ANK3: variants seen among roughly 807,000 people sequenced by gnomAD.
ANK3 encodes the protein ankyrin-3.
A neutral mutation model predicts 370.9 loss-of-function variants in ANK3; 57 were observed. The ratio of observed to expected loss-of-function variants is 0.15; its 90% CI spans 0.12 to 0.19. The LOEUF is 0.19. Ranked by LOEUF, ANK3 falls within the 10% of genes least tolerant of loss-of-function variation. ANK3 has a pLI of 1.00. For synonymous variants in ANK3, 1,929 were observed against 1,946.3 expected (o/e 0.99, Z 0.23); for missense variants, 4,439 against 5,302.1 (o/e 0.84, Z 5.06).
At chr10:60,415,282 AG>A (rs2063638996) in intron 2 of ANK3, among the ~76,000 whole-genome samples, 1 of 152,158 alleles carries the variant, frequency 6.6e-6, no homozygotes, top group Non-Finnish European at 1.5e-5. Flanking sequence ...CCAGAGGCCG[AG>A]GGAGGAAAAT....
chr10:60,397,691 C>T (rs770656788), intron 2 of ANK3, among the ~76,000 whole-genome samples: 7 of 152,276 alleles, frequency 4.6e-5, no homozygotes, highest in Non-Finnish European at 8.8e-5. Flanking sequence ...TGGAATCAGA[C>T]TAATTGAGTT....
intron 2 of ANK3, among the ~76,000 whole-genome samples, chr10:60,558,847 C>T (rs1270196861): frequency 6.6e-6 from 1 of 152,026 alleles, no homozygotes; most frequent in Admixed American, 6.6e-5. Flanking sequence ...GCTCAAAAGA[C>T]AAATTTCTAA....
At chr10:60,105,858 A>G (rs1195043669) in intron 28 of ANK3, 47 bp downstream of exon 28, 1 of 1,535,066 alleles carries the variant, frequency 6.5e-7, no homozygotes, top group Non-Finnish European at 8.7e-7. Flanking sequence ...CATTCCTTTA[A>G]TTTCTGCCTG....
intron 1 of ANK3, among the ~76,000 whole-genome samples, chr10:60,695,335 A>T (rs2079429927): frequency 6.6e-6 from 1 of 152,160 alleles, no homozygotes; most frequent in South Asian, 2.1e-4. Flanking sequence ...AACATTAGAC[A>T]GATCAACGAG....
chr10:60,599,873 T>C (rs553574542), intron 2 of ANK3, among the ~76,000 whole-genome samples: 1 of 152,312 alleles, frequency 6.6e-6, no homozygotes, highest in Non-Finnish European at 1.5e-5. Flanking sequence ...CTTTCTCTAC[T>C]TCTCTGTCCT....
At chr10:60,085,906 C>T (rs989573356) in intron 30 of ANK3, among the ~76,000 whole-genome samples, 3 of 152,168 alleles carry the variant, frequency 2.0e-5, no homozygotes, top group East Asian at 3.9e-4. Context: ...TGAGCCACCG[C>T]GCCCAGCCTC....
At chr10:60,400,974 T>C (rs992733295) in intron 2 of ANK3, among the ~76,000 whole-genome samples, 4 of 152,194 alleles carry the variant, frequency 2.6e-5, no homozygotes, top group African/African-American at 9.7e-5. Context: ...AAAATAATTT[T>C]GAAAACTGTG....
intron 2 of ANK3, among the ~76,000 whole-genome samples, chr10:60,590,680 TTGGGAAATCTGCAGATACTCAAG>T (rs2077896703): frequency 6.6e-6 from 1 of 152,236 alleles, no homozygotes; most frequent in South Asian, 2.1e-4. Context: ...GACATGGACA[TTGGGAAATCTGCAGATACTCAAG>T]TCCCTTCTAC....
chr10:60,492,723 AAGAAAGAAAGAAAG>A (rs1208855611), intron 2 of ANK3, among the ~76,000 whole-genome samples: 2 of 139,646 alleles, frequency 1.4e-5, no homozygotes, highest in African/African-American at 5.6e-5. Flanking sequence ...AAAAAAAAAA[AAGAAAGAAAGAAAG>A]AAAAAAAAAA....
At chr10:60,429,579 A>G (rs1284506819) in intron 2 of ANK3, among the ~76,000 whole-genome samples, 1 of 152,236 alleles carries the variant, frequency 6.6e-6, no homozygotes, top group African/African-American at 2.4e-5. Flanking sequence ...TTGACAGAAT[A>G]GAGATGAACA....
At chr10:60,096,849 G>A (rs2090233298) in intron 28 of ANK3, among the ~76,000 whole-genome samples, 1 of 152,146 alleles carries the variant, frequency 6.6e-6, no homozygotes, top group Non-Finnish European at 1.5e-5. Flanking sequence ...AATTGAGGGA[G>A]AAAAATGGCA....
chr10:60,395,558 T>A (rs2063204562), intron 2 of ANK3, among the ~76,000 whole-genome samples: 1 of 73,978 alleles, frequency 1.4e-5, no homozygotes, highest in Non-Finnish European at 2.8e-5. Flanking sequence ...GCCTCTTTCT[T>A]TCTTTCTTTC....
intron 1 of ANK3, among the ~76,000 whole-genome samples, chr10:60,663,478 T>A (rs928501880): frequency 6.8e-6 from 1 of 147,928 alleles, no homozygotes; most frequent in Admixed American, 6.8e-5. Context: ...CTTCCTCACA[T>A]CTGCTTAAGA....
At chr10:60,582,311 A>C (rs1034201006) in intron 2 of ANK3, among the ~76,000 whole-genome samples, 10 of 152,152 alleles carry the variant, frequency 6.6e-5, no homozygotes, top group African/African-American at 2.2e-4. Context: ...ATCCAGAACC[A>C]CAAAGTGACC....
At chr10:60,050,264 T>G (rs948237665) in intron 42 of ANK3, among the ~76,000 whole-genome samples, 3 of 152,154 alleles carry the variant, frequency 2.0e-5, no homozygotes, top group Admixed American at 2.0e-4. Context: ...TTCAAAGAAG[T>G]GATTCATGGT....
chr10:60,694,098 G>A (rs984348755), intron 1 of ANK3, among the ~76,000 whole-genome samples: 1 of 152,184 alleles, frequency 6.6e-6, no homozygotes, highest in South Asian at 2.1e-4. Flanking sequence ...ACTATGTGAA[G>A]AATGCAGAAG....
At chr10:60,648,303 C>T (rs1355593946) in intron 1 of ANK3, among the ~76,000 whole-genome samples, 156 of 142,294 alleles carry the variant, frequency 1.1e-3, no homozygotes, top group African/African-American at 3.8e-3. Flanking sequence ...CAGGCATGAG[C>T]CACCATGCCC....
intron 1 of ANK3, among the ~76,000 whole-genome samples, chr10:60,634,743 C>T (rs113558375): frequency 6.6e-6 from 1 of 152,038 alleles, no homozygotes; most frequent in Admixed American, 6.6e-5. Context: ...TAACACTCAC[C>T]GAGAAGGTCC....
At chr10:60,243,715 TA>T in intron 7 of ANK3, among the ~76,000 whole-genome samples, 1 of 152,332 alleles carries the variant, frequency 6.6e-6, no homozygotes, top group South Asian at 2.1e-4. Flanking sequence ...TTACTTATTA[TA>T]CAGACATTTA....
Sources: allele counts gnomAD v4.1 joint callset (sites outside exome capture counted in the v4.1 genomes callset), GRCh38; gene constraint gnomAD v4.1.1; transcripts MANE v1.5; gene names NCBI Gene and HGNC (gene_info 2026-07-23, HGNC 2026-07-21).